The following INPP4B variants were observed in gnomAD, a reference collection of about 807,000 sequenced individuals.
INPP4B encodes inositol polyphosphate 4-phosphatase type II.
Under a neutral mutation model 122.5 loss-of-function variants are expected in INPP4B, and 55 were observed. The ratio of observed to expected loss-of-function variants is 0.45; its 90% confidence interval spans 0.36 to 0.56. INPP4B has a LOEUF of 0.56. Ranked by LOEUF, INPP4B falls within the 20% of genes least tolerant of loss-of-function variation. INPP4B has a pLI of 0.00. For synonymous variants in INPP4B, 403 were observed against 388.7 expected, an observed-to-expected ratio of 1.04 and a Z score of -0.43; for missense variants, 1,000 against 1,097.7, an observed-to-expected ratio of 0.91 and a Z score of 1.26.
chr4:142,621,007 G>T (rs1422457230), intron 2 of INPP4B, among the ~76,000 whole-genome samples: 2 of 151,670 alleles, frequency 1.3e-5, no homozygotes, highest in African/African-American at 4.8e-5. Flanking sequence ...AACCTTAAAT[G>T]CTATTGAAGG....
At chr4:142,151,958 A>ATACTTT (rs1814152535) in intron 17 of INPP4B, among the ~76,000 whole-genome samples, 1 of 151,708 alleles carries the variant, frequency 6.6e-6, no homozygotes, top group Non-Finnish European at 1.5e-5. Flanking sequence ...TATACCTAGA[A>ATACTTT]TACTTTCTCC....
intron 1 of INPP4B, among the ~76,000 whole-genome samples, chr4:142,837,770 A>C (rs1209401032): frequency 6.6e-6 from 1 of 152,150 alleles, no homozygotes; most frequent in Non-Finnish European, 1.5e-5. Flanking sequence ...AATATGTATA[A>C]GGCACTTTTA....
chr4:142,709,281 T>G (rs2150788021), intron 2 of INPP4B, among the ~76,000 whole-genome samples: 1 of 152,300 alleles, frequency 6.6e-6, no homozygotes, highest in Middle Eastern at 3.4e-3. Context: ...GACTTTGGAC[T>G]GAGGACTTTT....
chr4:142,820,596 T>TTC (rs758233368), intron 1 of INPP4B, among the ~76,000 whole-genome samples: 4 of 152,148 alleles, frequency 2.6e-5, no homozygotes, highest in Non-Finnish European at 5.9e-5. Flanking sequence ...GACAAAATCC[T>TTC]TCCTCATTTT....
At chr4:142,676,096 C>A (rs963412953) in intron 2 of INPP4B, among the ~76,000 whole-genome samples, 3 of 152,156 alleles carry the variant, frequency 2.0e-5, no homozygotes, top group Non-Finnish European at 2.9e-5. Context: ...ATTTATAAAA[C>A]CCCATTGTCT....
At chr4:142,067,407 C>G (rs1041276092) in intron 25 of INPP4B, among the ~76,000 whole-genome samples, 1 of 152,196 alleles carries the variant, frequency 6.6e-6, no homozygotes, top group South Asian at 2.1e-4. Context: ...TTCTAAAAAT[C>G]AGAGCACCTT....
chr4:142,385,408 G>A (rs1795634019), intron 7 of INPP4B, among the ~76,000 whole-genome samples: 1 of 151,892 alleles, frequency 6.6e-6, no homozygotes, highest in Non-Finnish European at 1.5e-5. Flanking sequence ...TTCAGTGGAG[G>A]TAGAGCTCAG....
At chr4:142,219,298 ATAATT>A (rs917797213) in intron 12 of INPP4B, among the ~76,000 whole-genome samples, 73 of 152,330 alleles carry the variant, frequency 4.8e-4, no homozygotes, top group African/African-American at 1.5e-3. Flanking sequence ...GCCAGATTCT[ATAATT>A]TAATTTTAGG....
At chr4:142,593,871 T>TAC (rs529160360) in intron 2 of INPP4B, among the ~76,000 whole-genome samples, 3,714 of 149,704 alleles carry the variant, frequency 0.025, 61 homozygotes, top group Admixed American at 0.042. Context: ...TCAGCATAAA[T>TAC]ACACACACAC....
chr4:142,115,435 G>T (rs959152197), intron 21 of INPP4B, among the ~76,000 whole-genome samples: 8 of 152,148 alleles, frequency 5.3e-5, no homozygotes, highest in African/African-American at 1.9e-4. Context: ...CCCACAAAGG[G>T]AAGCCCATCA....
chr4:142,403,257 A>C (rs560416240), intron 6 of INPP4B, among the ~76,000 whole-genome samples: 1 of 152,358 alleles, frequency 6.6e-6, no homozygotes, highest in East Asian at 1.9e-4. Context: ...ACAACTGCTG[A>C]TAGTAAATGA....
rs1796815891 is a variant in INPP4B at position 142,122,174 on chromosome 4, T to C, written c.2089A>G (p.Ile697Val). Residue 697 changes from isoleucine (I) to valine (V), a missense_variant, in exon 21 of 26, where the codon ATT becomes GTT. Physicochemically the swap from Ile to Val is conservative, Grantham distance 29. Transcript: ENST00000262992. ...AACACATCATTGGATTTGGCTTCAATTATTTTAAATGCAACTTTCTTTAAA... is the reference window on the plus strand; with the variant it reads ...AACACATCATTGGATTTGGCTTCAACTATTTTAAATGCAACTTTCTTTAAA... Reference protein sequence around the residue: ...SDLKKVAFKIIEAKSNDVLPV... With the variant: ...SDLKKVAFKIVEAKSNDVLPV... 7 of 1,612,380 alleles carry C rather than the reference T, an allele frequency of 4.3e-6. No homozygotes were observed. Among genetic ancestry groups the C allele is most frequent in the Non-Finnish European group, 5.9e-6 (7 of 1,179,164 alleles).
chr4:142,238,566 C>T (rs1857659233), intron 11 of INPP4B, among the ~76,000 whole-genome samples: 1 of 152,012 alleles, frequency 6.6e-6, no homozygotes, highest in Non-Finnish European at 1.5e-5. Flanking sequence ...CAGAAAGGTT[C>T]ACTCTTTTGT....
intron 8 of INPP4B, among the ~76,000 whole-genome samples, chr4:142,314,380 G>A (rs1015273771): frequency 8.5e-5 from 13 of 152,060 alleles, no homozygotes; most frequent in African/African-American, 2.7e-4. Context: ...TTCCTGAAGC[G>A]GTAGAGATCA....
At chr4:142,661,819 C>G (rs1755221511) in intron 2 of INPP4B, among the ~76,000 whole-genome samples, 1 of 152,126 alleles carries the variant, frequency 6.6e-6, no homozygotes, top group Middle Eastern at 3.2e-3. Context: ...GGAGACAGTC[C>G]ATCTGAAGCT....
At chr4:142,526,376 A>G (rs1826922074) in intron 2 of INPP4B, among the ~76,000 whole-genome samples, 1 of 152,028 alleles carries the variant, frequency 6.6e-6, no homozygotes, top group African/African-American at 2.4e-5. Context: ...TCTCCACAGT[A>G]TTTCTTTAGT....
chr4:142,509,523 C>T (rs1824447288), intron 2 of INPP4B, among the ~76,000 whole-genome samples: 1 of 152,092 alleles, frequency 6.6e-6, no homozygotes, highest in South Asian at 2.1e-4. Flanking sequence ...TGACGGTTTC[C>T]AGCTTCATCC....
At chr4:142,591,017 A>G (rs1737371382) in intron 2 of INPP4B, among the ~76,000 whole-genome samples, 1 of 152,182 alleles carries the variant, frequency 6.6e-6, no homozygotes, top group Admixed American at 6.5e-5. Context: ...CAAAAAAAGA[A>G]AGAGAAAAAA....
intron 12 of INPP4B, among the ~76,000 whole-genome samples, chr4:142,213,299 G>A (rs1472795441): frequency 3.3e-5 from 5 of 152,136 alleles, no homozygotes; most frequent in Admixed American, 3.3e-4. Flanking sequence ...TCGTACCCCG[G>A]AGGAATGGTA....
Sources: allele counts gnomAD v4.1 joint callset (sites outside exome capture counted in the v4.1 genomes callset), GRCh38; gene constraint gnomAD v4.1.1; transcripts MANE v1.5; gene names NCBI Gene and HGNC (gene_info 2026-07-23, HGNC 2026-07-21).